The following PSMC1 variants were observed in gnomAD, a reference collection of about 807,000 sequenced individuals.
The protein encoded by PSMC1 is 26S proteasome regulatory subunit 4.
Under a neutral mutation model 49.8 loss-of-function variants are expected in PSMC1, and 5 were observed. The ratio of observed to expected loss-of-function variants is 0.10; its 90% CI spans 0.05 to 0.21. PSMC1 has a LOEUF of 0.21. Among genes scored for constraint, PSMC1 ranks in the 10% least tolerant of loss-of-function variants. The pLI is 1.00. For missense variants in PSMC1, 181 were observed against 535.7 expected (o/e 0.34, Z 6.54); for synonymous variants, 155 against 192.1 (o/e 0.81, Z 1.60).
chr14:90,274,807 CACACACACACACACACACACACACACACA>C lies in PSMC1; in HGVS notation c.*2401_*2429del, dbSNP rs1891760503. 1.5e-5 allele frequency: 1 copy of C among 67,618 alleles called. No individual in the cohort carries two copies. Among genetic ancestry groups the C allele is most frequent in the Non-Finnish European group, 3.0e-5 (1 of 33,368 alleles). The allele number at this position is 67,618 out of a possible 1,614,324, so 4.2% of individuals were successfully genotyped here. ...GGAACTACACACACACACACACACACACACACACACACACACACACACACACACACACCCCAATACATATGAATTGATCT... is the reference window on the plus strand; with the variant it reads ...GGAACTACACACACACACACACACACCACCCCAATACATATGAATTGATCT... On this transcript the variant is annotated 3_prime_UTR_variant, in exon 11 of 11. Transcript: ENST00000261303.
chr14:90,260,070 T>G, intron 2 of PSMC1, 45 bp from the exon 3 acceptor site: 1 of 1,186,344 alleles, frequency 8.4e-7, no homozygotes. Context: ...TGTTTTAATA[T>G]GATTTTCATG....
chr14:90,257,327 T>C (rs1474578763), intron 1 of PSMC1, among the ~76,000 whole-genome samples: 1 of 152,074 alleles, frequency 6.6e-6, no homozygotes, highest in African/African-American at 2.4e-5. Flanking sequence ...ATCAGAAATA[T>C]GTAATATGAT....
At chr14:90,262,187 T>G (rs1373961526) in intron 3 of PSMC1, among the ~76,000 whole-genome samples, 1 of 143,298 alleles carries the variant, frequency 7.0e-6, no homozygotes, top group South Asian at 2.4e-4. Context: ...TTAGGAGATA[T>G]ACCTAATGTA....
chr14:90,258,186 C>T (rs1891332043), intron 1 of PSMC1, among the ~76,000 whole-genome samples: 1 of 152,258 alleles, frequency 6.6e-6, no homozygotes. Context: ...CTCTCTGGGC[C>T]TTGGTCTTCT....
intron 3 of PSMC1, among the ~76,000 whole-genome samples, chr14:90,260,801 G>C (rs1891383740): frequency 6.6e-6 from 1 of 152,156 alleles, no homozygotes. Context: ...TGAAAGTATA[G>C]TTTTAACTCG....
intron 2 of PSMC1, among the ~76,000 whole-genome samples, chr14:90,259,679 T>C (rs1205116497): frequency 2.6e-5 from 4 of 152,186 alleles, no homozygotes; most frequent in African/African-American, 9.7e-5. Context: ...TGGAGTGCAG[T>C]GGCATGATCT....
At position 90,263,717 on chromosome 14, in the gene PSMC1, TG is replaced by T. The variant is rs1891449346; in HGVS notation, c.337del (p.Glu113LysfsTer27). 6.2e-7 allele frequency: 1 copy of T among 1,613,188 alleles called. No homozygotes were observed. Among genetic ancestry groups the T allele is most frequent in the Admixed American group, 1.7e-5 (1 of 60,002 alleles). On this transcript the variant is annotated frameshift_variant, in exon 5 of 11. Transcript: ENST00000261303. LOFTEE classifies it high-confidence loss of function. ...LRGTPMSVGT[L>X]EEIIDDNHAI... ...GGGACCCCGATGTCAGTAGGAACCT[TG>T]GAAGAGATCATTGATGACAATCATG... is the stretch of plus-strand genomic sequence containing the variant.
At chr14:90,263,521 G>C (rs1891442587) in intron 4 of PSMC1, 79 bp downstream of exon 4, 2 of 1,473,122 alleles carry the variant, frequency 1.4e-6, no homozygotes, top group Admixed American at 2.3e-5. Context: ...TGAAATTCAA[G>C]TAGCTGAACC....
At position 90,274,546 on chromosome 14, in the gene PSMC1, GTAT is replaced by G. The variant is rs1555358508; in HGVS notation, c.*2144_*2146del. 6.6e-6 allele frequency: 1 copy of G among 151,606 alleles called. No individual in the cohort carries two copies. The highest frequency in any genetic ancestry group is 2.4e-5 in the African/African-American group (1 of 41,280). 9.4% of individuals were successfully genotyped at this position (151,606 alleles called of 1,614,324 possible). A position where few individuals can be genotyped will look rare whatever the true frequency, so the allele number is the denominator to read the frequency against. On this transcript the variant is annotated 3_prime_UTR_variant, in exon 11 of 11. Transcript: ENST00000261303. ...TAGACCCAGACCTTTGCTGCTAAAA[GTAT>G]TATTCTCCACTAAAAGGAGTGAGGG...
chr14:90,260,283 G>A, intron 3 of PSMC1, 72 bp downstream of exon 3: 1 of 1,106,226 alleles, frequency 9.0e-7, no homozygotes, highest in South Asian at 1.4e-5. Context: ...GTAGCTTAGA[G>A]TCTGAAAGGG....
chr14:90,265,638 G>A (rs1411389716), intron 7 of PSMC1, among the ~76,000 whole-genome samples: 1 of 149,900 alleles, frequency 6.7e-6, no homozygotes, highest in African/African-American at 2.5e-5. Flanking sequence ...GTAGTGAGCG[G>A]AGACAGCGCC....
intron 7 of PSMC1, chr14:90,267,965 C>G (rs763850013): frequency 2.0e-5 from 7 of 347,290 alleles, no homozygotes; most frequent in Non-Finnish European, 3.6e-5. Context: ...GGAAAATAAC[C>G]AAGTAAAAAG....
chr14:90,259,543 CTTGA>C (rs1304684470), intron 2 of PSMC1, among the ~76,000 whole-genome samples: 1 of 152,120 alleles, frequency 6.6e-6, no homozygotes, highest in Non-Finnish European at 1.5e-5. Flanking sequence ...TGGCATATAA[CTTGA>C]TTCTTAACCC....
At chr14:90,258,727 G>C (rs992441572) in intron 1 of PSMC1, among the ~76,000 whole-genome samples, 1 of 152,192 alleles carries the variant, frequency 6.6e-6, no homozygotes, top group Non-Finnish European at 1.5e-5. Context: ...ATTGGTAAAC[G>C]ATTTTTGAGT....
At chr14:90,260,083 A>ATT (rs34687657) in intron 2 of PSMC1, 32 bp from the exon 3 acceptor site, 1,933 of 1,241,016 alleles carry the variant, frequency 1.6e-3, no homozygotes, top group Non-Finnish European at 1.7e-3. Context: ...TTTTCATGTG[A>ATT]TTTTTTTTTC....
At chr14:90,260,451 G>A (rs1014463329) in intron 3 of PSMC1, among the ~76,000 whole-genome samples, 2 of 152,224 alleles carry the variant, frequency 1.3e-5, no homozygotes, top group Admixed American at 1.3e-4. Context: ...TGTCACCGTG[G>A]CGGGGTGCGG....
intron 10 of PSMC1, chr14:90,270,993 A>G (rs1727141909): frequency 6.6e-6 from 1 of 152,232 alleles, no homozygotes; most frequent in South Asian, 2.1e-4. Context: ...AGTTAGTCCT[A>G]GAGAACTAGA....
chr14:90,263,280 G>A (rs1891437090), intron 3 of PSMC1, 38 bp from the exon 4 acceptor site: 1 of 1,561,484 alleles, frequency 6.4e-7, no homozygotes, highest in Non-Finnish European at 8.6e-7. Context: ...GCAAACTTCA[G>A]GGTCCACATA....
chr14:90,260,854 C>T (rs1325912272), intron 3 of PSMC1, among the ~76,000 whole-genome samples: 2 of 152,196 alleles, frequency 1.3e-5, no homozygotes, highest in African/African-American at 2.4e-5. Flanking sequence ...TGTGCCACTG[C>T]ACTGTAGCCT....
Sources: gnomAD v4.1 joint callset for allele counts (sites outside exome capture counted in the v4.1 genomes callset) on GRCh38, gnomAD v4.1.1 for gene constraint, MANE v1.5 for transcripts, NCBI Gene and HGNC (gene_info 2026-07-23, HGNC 2026-07-21) for gene names.